The following SLC16A7 variants were observed in gnomAD, a reference collection of about 807,000 sequenced individuals.
SLC16A7 encodes solute carrier family 16 member 7, also known as monocarboxylate transporter 2.
SLC16A7 carries 33 observed loss-of-function variants against 34.9 expected under a neutral mutation model. The ratio of observed to expected loss-of-function variants is 0.94; its 90% confidence interval spans 0.72 to 1.26. SLC16A7 has a LOEUF of 1.26. Ranked by LOEUF, SLC16A7 falls within the 50% of genes most tolerant of loss-of-function variation. The pLI is 0.00. For missense variants in SLC16A7, 573 were observed against 578.1 expected (o/e 0.99, Z 0.09); for synonymous variants, 201 against 206.6 (o/e 0.97, Z 0.23).
At chr12:59,767,650 C>T (rs1175589709) in intron 3 of SLC16A7, among the ~76,000 whole-genome samples, 1 of 151,994 alleles carries the variant, frequency 6.6e-6, no homozygotes, top group Non-Finnish European at 1.5e-5. Flanking sequence ...ACTGTTGAGA[C>T]CTGCTGCTAA....
intron 1 of SLC16A7, among the ~76,000 whole-genome samples, chr12:59,641,604 T>C (rs1205758662): frequency 6.6e-6 from 1 of 152,022 alleles, no homozygotes; most frequent in Non-Finnish European, 1.5e-5. Context: ...TAGTCCGTTG[T>C]ACAAAATATT....
intron 3 of SLC16A7, among the ~76,000 whole-genome samples, chr12:59,767,183 G>T (rs1488364644): frequency 6.6e-6 from 1 of 151,216 alleles, no homozygotes; most frequent in East Asian, 2.0e-4. Context: ...AAATAAACTA[G>T]AAGCTAGTAA....
intron 1 of SLC16A7, among the ~76,000 whole-genome samples, chr12:59,644,601 C>T (rs151304025): frequency 1.3e-5 from 2 of 152,090 alleles, no homozygotes; most frequent in East Asian, 1.9e-4. Context: ...TAAAGTCTTA[C>T]GTTTTAGTTT....
intron 2 of SLC16A7, among the ~76,000 whole-genome samples, chr12:59,704,027 C>T (rs747924500): frequency 1.3e-5 from 2 of 151,062 alleles, no homozygotes; most frequent in Non-Finnish European, 3.0e-5. Flanking sequence ...CATGACGAAA[C>T]CCCATCTCTA....
chr12:59,682,637 C>T (rs988738639), intron 2 of SLC16A7, among the ~76,000 whole-genome samples: 18 of 151,932 alleles, frequency 1.2e-4, no homozygotes, highest in African/African-American at 4.4e-4. Flanking sequence ...AATGGTGCCA[C>T]CTATTTGTGT....
chr12:59,764,791 A>G (rs1243338880), intron 3 of SLC16A7, among the ~76,000 whole-genome samples: 2 of 152,112 alleles, frequency 1.3e-5, no homozygotes, highest in Non-Finnish European at 2.9e-5. Context: ...CGCAATAAAC[A>G]TACGTGTGCA....
At chr12:59,756,009 G>T (rs968663250) in intron 3 of SLC16A7, among the ~76,000 whole-genome samples, 1 of 152,184 alleles carries the variant, frequency 6.6e-6, no homozygotes, top group African/African-American at 2.4e-5. Context: ...AATGGGGAAA[G>T]GATTCCCTAT....
At chr12:59,673,235 T>C (rs903969866) in intron 2 of SLC16A7, among the ~76,000 whole-genome samples, 2 of 152,192 alleles carry the variant, frequency 1.3e-5, no homozygotes, top group Admixed American at 6.5e-5. Context: ...TAGCATTTTA[T>C]ATCTGAGTGT....
intron 1 of SLC16A7, among the ~76,000 whole-genome samples, chr12:59,634,759 T>G (rs984238006): frequency 1.3e-5 from 2 of 152,072 alleles, no homozygotes; most frequent in Non-Finnish European, 2.9e-5. Context: ...GAATAAAGTT[T>G]GACCAAGTAG....
rs150767662 is a variant in SLC16A7 at position 59,674,570 on chromosome 12, T to C, written c.-31+19320T>C. Among the ~76,000 whole-genome samples the C allele has an allele frequency of 2.4e-3, 372 of 152,278 alleles. 1 individual carries two copies. Among genetic ancestry groups the C allele is most frequent in the African/African-American group, 8.5e-3 (352 of 41,556 alleles). ...ATCTGAACTGCGCTAATATTTTTTGTCAGCGCACCAATGTTATATGTATAG... is the reference window on the plus strand; with the variant it reads ...ATCTGAACTGCGCTAATATTTTTTGCCAGCGCACCAATGTTATATGTATAG... On this transcript the variant is annotated intron_variant, in intron 2 of 5. Transcript: ENST00000547379.
intron 3 of SLC16A7, among the ~76,000 whole-genome samples, chr12:59,735,537 T>G (rs955408679): frequency 1.4e-4 from 21 of 152,162 alleles, no homozygotes; most frequent in Non-Finnish European, 2.6e-4. Context: ...GTTTTATTTC[T>G]TGATGTCAGA....
rs1187108256 is a variant in SLC16A7, at chr12:59,775,043, T to A, written c.748T>A (p.Tyr250Asn). Residue 250 changes from tyrosine (Y) to asparagine (N), a missense_variant, in exon 5 of 6, where the codon TAT becomes AAT. Transcript: ENST00000547379. The part of the protein sequence containing the change: ...SLFKHRGFLI[Y>N]LSGNVIMFLG... ...TTTTAAGCATAGAGGATTTCTGATA[T>A]ATCTGTCTGGAAATGTCATTATGTT... 1 of 1,614,142 alleles carries A rather than the reference T, an allele frequency of 6.2e-7. No homozygotes were observed. The highest frequency in any genetic ancestry group is 2.2e-5 in the East Asian group (1 of 44,878).
At chr12:59,640,618 C>T (rs770512382) in intron 1 of SLC16A7, among the ~76,000 whole-genome samples, 1 of 152,056 alleles carries the variant, frequency 6.6e-6, no homozygotes, top group Non-Finnish European at 1.5e-5. Flanking sequence ...AACTGTTTAT[C>T]ATCCCATGTG....
intron 3 of SLC16A7, among the ~76,000 whole-genome samples, chr12:59,735,222 T>G (rs1828021972): frequency 6.6e-6 from 1 of 152,150 alleles, no homozygotes; most frequent in Non-Finnish European, 1.5e-5. Flanking sequence ...GAAGAAAATG[T>G]TTTTTGCTCC....
At chr12:59,776,518 G>A (rs1347128694) in intron 5 of SLC16A7, among the ~76,000 whole-genome samples, 2 of 152,064 alleles carry the variant, frequency 1.3e-5, no homozygotes, top group Non-Finnish European at 2.9e-5. Context: ...TAGACTCTTG[G>A]CCTGCTCTCT....
At chr12:59,680,564 T>A (rs996299114) in intron 2 of SLC16A7, among the ~76,000 whole-genome samples, 4 of 152,194 alleles carry the variant, frequency 2.6e-5, no homozygotes, top group East Asian at 3.9e-4. Flanking sequence ...TTTTTCTTTT[T>A]ACCTCTATCC....
chr12:59,612,425 A>G (rs2136968811), intron 1 of SLC16A7, among the ~76,000 whole-genome samples: 1 of 152,238 alleles, frequency 6.6e-6, no homozygotes. Flanking sequence ...CTGGGCCCAG[A>G]CCACAGAACC....
intron 3 of SLC16A7, among the ~76,000 whole-genome samples, chr12:59,736,382 A>G (rs111655179): frequency 3.2e-4 from 48 of 152,296 alleles, no homozygotes; most frequent in African/African-American, 1.1e-3. Context: ...AAACAAAAAC[A>G]AAGTTTTTCT....
intron 1 of SLC16A7, among the ~76,000 whole-genome samples, chr12:59,604,799 T>G (rs192373091): frequency 6.6e-6 from 1 of 152,330 alleles, no homozygotes; most frequent in East Asian, 1.9e-4. Flanking sequence ...TTCAAGTATT[T>G]CATGCTGCAG....
Sources: gnomAD v4.1 joint callset for allele counts (sites outside exome capture counted in the v4.1 genomes callset) on GRCh38, gnomAD v4.1.1 for gene constraint, MANE v1.5 for transcripts, NCBI Gene and HGNC (gene_info 2026-07-23, HGNC 2026-07-21) for gene names.